The following RAB11FIP3 variants were observed in gnomAD, a reference collection of about 807,000 sequenced individuals.
The protein encoded by RAB11FIP3 is RAB11 family interacting protein 3, also known as rab11 family-interacting protein 3.
A neutral mutation model predicts 77.8 loss-of-function variants in RAB11FIP3; 17 were observed. The observed-to-expected ratio is 0.22, with a 90% CI of 0.15 to 0.33. The LOEUF is 0.33. RAB11FIP3 is among the 10% of genes least tolerant of loss of function. RAB11FIP3 has a pLI of 1.00. For missense variants in RAB11FIP3, 1,005 were observed against 1,011.2 expected (o/e 0.99, Z 0.08); for synonymous variants, 437 against 448.2 (o/e 0.98, Z 0.31).
intron 5 of RAB11FIP3, 24 bp from the exon 6 acceptor site, chr16:496,800 C>A: frequency 6.4e-7 from 1 of 1,572,594 alleles, no homozygotes; most frequent in South Asian, 1.1e-5. Flanking sequence ...AACAATTTTC[C>A]TGTTTATTTT....
At chr16:508,387 T>G (rs2141875601) in intron 8 of RAB11FIP3, among the ~76,000 whole-genome samples, 1 of 152,308 alleles carries the variant, frequency 6.6e-6, no homozygotes, top group African/African-American at 2.4e-5. Flanking sequence ...TTTGTTTTGT[T>G]TTTTGAGACA....
At chr16:519,127 T>G in intron 10 of RAB11FIP3, 103 bp downstream of exon 10, 1 of 1,272,270 alleles carries the variant, frequency 7.9e-7, no homozygotes, top group Non-Finnish European at 1.1e-6. Flanking sequence ...CGGGATACTG[T>G]GCTGTGTGTG....
chr16:512,007 C>A (rs2032201155), intron 9 of RAB11FIP3, among the ~76,000 whole-genome samples: 2 of 148,858 alleles, frequency 1.3e-5, no homozygotes, highest in Non-Finnish European at 3.0e-5. Flanking sequence ...AAACTGCAGG[C>A]CAGGCAGGAG....
chr16:495,115 A>C (rs1467963253), intron 5 of RAB11FIP3, among the ~76,000 whole-genome samples: 1 of 152,216 alleles, frequency 6.6e-6, no homozygotes, highest in Non-Finnish European at 1.5e-5. Context: ...CTCTAAGAAA[A>C]GATAATGCAA....
rs1414018515 is a variant in RAB11FIP3, at chr16:492,470, G to A, written c.1265+3470G>A. Among the ~76,000 whole-genome samples the A allele has an allele frequency of 7.2e-5, 8 of 111,820 alleles. 1 individual carries two copies. The highest frequency in any genetic ancestry group is 2.8e-4 in the South Asian group (1 of 3,574). 73.4% of individuals were successfully genotyped at this position (111,820 alleles called of 152,430 possible). A position where few individuals can be genotyped will look rare whatever the true frequency, so the allele number is the denominator to read the frequency against. On this transcript the variant is annotated intron_variant, in intron 5 of 13. Transcript: ENST00000262305. ...CCCAGGGCCCTTCCCGGGGAGACCCGAGGCCGCCCAGGGCCCTCCCGGGAG... is the reference window on the plus strand; with the variant it reads ...CCCAGGGCCCTTCCCGGGGAGACCCAAGGCCGCCCAGGGCCCTCCCGGGAG...
At chr16:467,834 C>T (rs375250506) in intron 2 of RAB11FIP3, among the ~76,000 whole-genome samples, 1 of 43,378 alleles carries the variant, frequency 2.3e-5, no homozygotes, top group Non-Finnish European at 4.2e-5. Flanking sequence ...GTGCAGGGGC[C>T]TCAGGGAGGA....
chr16:522,078 A>G lies in RAB11FIP3; in HGVS notation c.*1239A>G, dbSNP rs1051987300. 1.1e-5 allele frequency: 1 copy of G among 89,050 alleles called. No homozygotes were observed. The allele number at this position is 89,050 out of a possible 1,614,324, so 5.5% of individuals were successfully genotyped here. A position where few individuals can be genotyped will look rare whatever the true frequency, so the allele number is the denominator to read the frequency against. On this transcript the variant is annotated 3_prime_UTR_variant, in exon 14 of 14. Transcript: ENST00000262305. ...CCCCACATCCGCCGCCTTCCACGCT[A>G]GGATGTAAGAGGTCGCCTCCTATTG...
At chr16:515,286 T>C (rs1411272551) in intron 9 of RAB11FIP3, among the ~76,000 whole-genome samples, 1 of 152,280 alleles carries the variant, frequency 6.6e-6, no homozygotes, top group African/African-American at 2.4e-5. Flanking sequence ...AAGGAGAAAA[T>C]AGCTGTGGGT....
intron 4 of RAB11FIP3, among the ~76,000 whole-genome samples, chr16:486,451 C>T (rs2056155412): frequency 6.6e-6 from 1 of 152,194 alleles, no homozygotes; most frequent in African/African-American, 2.4e-5. Context: ...CGAGATGGCA[C>T]CACTGCATTT....
At chr16:452,186 T>C (rs925121980) in intron 1 of RAB11FIP3, among the ~76,000 whole-genome samples, 2 of 150,862 alleles carry the variant, frequency 1.3e-5, no homozygotes, top group Non-Finnish European at 3.0e-5. Context: ...AAACAAAAAA[T>C]CAGCTGGGCA....
intron 3 of RAB11FIP3, chr16:477,629 C>G (rs2141708343): frequency 1.0e-6 from 1 of 985,464 alleles, no homozygotes; most frequent in Non-Finnish European, 1.2e-6. Flanking sequence ...CCCTGCCGTC[C>G]TGCAGGAGTG....
intron 2 of RAB11FIP3, among the ~76,000 whole-genome samples, chr16:467,418 C>G (rs1475224994): frequency 2.0e-5 from 3 of 150,628 alleles, no homozygotes; most frequent in Non-Finnish European, 4.4e-5. Flanking sequence ...GCAGTAGCCT[C>G]AGGGAGGAGG....
At chr16:435,089 C>T (rs1297323144) in intron 1 of RAB11FIP3, among the ~76,000 whole-genome samples, 1 of 151,762 alleles carries the variant, frequency 6.6e-6, no homozygotes, top group Non-Finnish European at 1.5e-5. Context: ...CCTATAGTCC[C>T]AGCTACTCGG....
chr16:489,648 C>T (rs755420877), intron 5 of RAB11FIP3, among the ~76,000 whole-genome samples: 23 of 152,210 alleles, frequency 1.5e-4, no homozygotes, highest in Non-Finnish European at 2.9e-4. Context: ...CCCTTTGCTA[C>T]TAGGTTGTCG....
chr16:465,130 G>A (rs147387645), intron 2 of RAB11FIP3, among the ~76,000 whole-genome samples: 76 of 152,254 alleles, frequency 5.0e-4, no homozygotes, highest in African/African-American at 1.8e-3. Context: ...GAGAAAAGCC[G>A]CTCATGAAGC....
At chr16:434,374 G>A (rs918047976) in intron 1 of RAB11FIP3, among the ~76,000 whole-genome samples, 4 of 151,746 alleles carry the variant, frequency 2.6e-5, no homozygotes, top group African/African-American at 4.9e-5. Flanking sequence ...TCTGCGTGCC[G>A]CAGCCTCCCA....
chr16:504,854 C>T (rs2031782745), intron 7 of RAB11FIP3, among the ~76,000 whole-genome samples: 1 of 3,784 alleles, frequency 2.6e-4, no homozygotes, highest in East Asian at 6.0e-3. Flanking sequence ...CCTCCTCCTG[C>T]ACCCCTCACC....
chr16:512,539 CT>C (rs766027431), intron 9 of RAB11FIP3, among the ~76,000 whole-genome samples: 5,355 of 105,610 alleles, frequency 0.051, 57 homozygotes, highest in African/African-American at 0.076. Flanking sequence ...CGCGCCCGGC[CT>C]TTTTTTTTTT....
Position 513,010 on chromosome 16 carries a change from C to T in RAB11FIP3, c.1640+2210C>T, listed in dbSNP as rs1367456677. Among the ~76,000 whole-genome samples, 3 of 152,200 alleles carry T rather than the reference C, an allele frequency of 2.0e-5. No homozygotes were observed. The East Asian group carries it at 5.8e-4, about 29-fold the overall frequency. On this transcript the variant is annotated intron_variant, in intron 9 of 13. Transcript: ENST00000262305. The stretch of plus-strand genomic sequence containing the variant: ...CACAAGCATTAAAGCAGCATGGTGC[C>T]TCCCTTGGTTCTCCATCTGGGAGCT...
Sources: allele counts gnomAD v4.1 joint callset (sites outside exome capture counted in the v4.1 genomes callset), GRCh38; gene constraint gnomAD v4.1.1; transcripts MANE v1.5; gene names NCBI Gene and HGNC (gene_info 2026-07-23, HGNC 2026-07-21).